The following LARP1B variants were observed in gnomAD, a reference collection of about 807,000 sequenced individuals.
LARP1B encodes the protein La ribonucleoprotein 1B, also known as la-related protein 1B.
LARP1B carries 76 observed loss-of-function variants against 114.2 expected under a neutral mutation model. The ratio of observed to expected loss-of-function variants is 0.67; its 90% CI spans 0.55 to 0.81. LARP1B has a LOEUF of 0.81. Ranked by LOEUF, LARP1B falls within the 30% of genes least tolerant of loss-of-function variation. The probability of loss-of-function intolerance (pLI) is 0.00; values close to 1 mark genes in which losing one functional copy is unlikely to be tolerated. For synonymous variants in LARP1B, 345 were observed against 348.0 expected, an observed-to-expected ratio of 0.99 and a Z score of 0.10; for missense variants, 1,014 against 1,075.8, an observed-to-expected ratio of 0.94 and a Z score of 0.80.
chr4:128,206,570 T>A (rs1757652299), intron 18 of LARP1B, 33 bp downstream of exon 18: 3 of 1,579,374 alleles, frequency 1.9e-6, no homozygotes, highest in African/African-American at 2.7e-5. Flanking sequence ...TGTACTCTAA[T>A]TGGAAATTGT....
intron 7 of LARP1B, among the ~76,000 whole-genome samples, chr4:128,097,597 G>A (rs796380930): frequency 2.6e-5 from 4 of 152,254 alleles, no homozygotes; most frequent in African/African-American, 4.8e-5. Context: ...ATCAGCCACC[G>A]CGCCTGGCCA....
chr4:128,116,022 T>C (rs1482010237), intron 10 of LARP1B, among the ~76,000 whole-genome samples: 1 of 152,236 alleles, frequency 6.6e-6, no homozygotes, highest in African/African-American at 2.4e-5. Flanking sequence ...ATATAAGTGT[T>C]GGTGATTTAT....
intron 1 of LARP1B, among the ~76,000 whole-genome samples, chr4:128,062,418 C>T (rs1324221355): frequency 1.3e-5 from 2 of 152,132 alleles, no homozygotes; most frequent in Non-Finnish European, 2.9e-5. Flanking sequence ...AAGGGAGCGG[C>T]AGGAAGAGGT....
At chr4:128,066,343 A>AT (rs1446467858) in intron 1 of LARP1B, among the ~76,000 whole-genome samples, 1 of 150,746 alleles carries the variant, frequency 6.6e-6, no homozygotes, top group Non-Finnish European at 1.5e-5. Context: ...TGCCCGGCTG[A>AT]TTTTTTGTAT....
intron 6 of LARP1B, among the ~76,000 whole-genome samples, chr4:128,217,121 T>C (rs1759563689): frequency 6.8e-6 from 1 of 147,692 alleles, no homozygotes; most frequent in African/African-American, 2.5e-5. Flanking sequence ...AATAGACCAA[T>C]AACAGGCTCT....
chr4:128,165,287 A>G (rs1433551477), intron 12 of LARP1B, among the ~76,000 whole-genome samples: 4 of 151,634 alleles, frequency 2.6e-5, no homozygotes, highest in Admixed American at 6.6e-5. Context: ...AAATTTATTA[A>G]TTTTTATTTG....
chr4:128,143,796 G>GTGTGTGTGTGTGTGTGT (rs1729108317), intron 11 of LARP1B, among the ~76,000 whole-genome samples: 3 of 147,844 alleles, frequency 2.0e-5, no homozygotes, highest in Admixed American at 1.4e-4. Context: ...TAAGGCACAG[G>GTGTGTGTGTGTGTGTGT]GTGTGTGTGT....
At chr4:128,172,063 T>C (rs1397454275) in intron 12 of LARP1B, among the ~76,000 whole-genome samples, 2 of 152,178 alleles carry the variant, frequency 1.3e-5, no homozygotes, top group Non-Finnish European at 2.9e-5. Context: ...TCAGCTATTA[T>C]TTCCTCAAAA....
intron 17 of LARP1B, among the ~76,000 whole-genome samples, chr4:128,203,767 A>G (rs1210281680): frequency 6.6e-6 from 1 of 152,192 alleles, no homozygotes; most frequent in Non-Finnish European, 1.5e-5. Context: ...GAGAGCTAAC[A>G]TCGCTTACAT....
chr4:128,178,281 A>G (rs1747117480), intron 13 of LARP1B, 150 bp from the exon 14 acceptor site: 1 of 599,906 alleles, frequency 1.7e-6, no homozygotes, highest in Non-Finnish European at 2.8e-6. Context: ...GATAATGGTC[A>G]AAAAAGTATT....
intron 10 of LARP1B, among the ~76,000 whole-genome samples, chr4:128,119,021 C>T (rs1468052255): frequency 6.6e-6 from 1 of 151,900 alleles, no homozygotes; most frequent in African/African-American, 2.4e-5. Flanking sequence ...GCTGGGATTA[C>T]AGGCACCCGC....
intron 12 of LARP1B, among the ~76,000 whole-genome samples, chr4:128,165,382 A>G (rs1391187958): frequency 6.6e-6 from 1 of 152,066 alleles, no homozygotes; most frequent in African/African-American, 2.4e-5. Context: ...TTTGACCAAT[A>G]TATTGCTATG....
chr4:128,211,600 G>C lies in LARP1B; in HGVS notation c.*1547G>C. ...GTAAAGAGGGTGCAAAACAAGCAAT[G>C]GGTTAGAATAATAGATCTTCAAGTC... On this transcript the variant is annotated 3_prime_UTR_variant, in exon 20 of 20. Coordinates refer to ENST00000326639, the MANE Select transcript of LARP1B (RefSeq NM_018078.4). 1.0e-6 allele frequency: 1 copy of C among 958,402 alleles called. No homozygotes were observed. The highest frequency in any genetic ancestry group is 1.2e-6 in the Non-Finnish European group (1 of 805,456). The allele number at this position is 958,402 out of a possible 1,614,324, so 59.4% of individuals were successfully genotyped here.
rs1283311843 is a variant in LARP1B, at chr4:128,210,038, TGACAATTCACA to T, written c.2731_2741del (p.Asp911LeufsTer23). 1 of 1,614,076 alleles carries T rather than the reference TGACAATTCACA, an allele frequency of 6.2e-7. No individual in the cohort carries two copies. The highest frequency in any genetic ancestry group is 2.2e-5 in the East Asian group (1 of 44,874). On this transcript the variant is annotated frameshift_variant, in exon 20 of 20. Coordinates refer to ENST00000326639, the MANE Select transcript of LARP1B (RefSeq NM_018078.4). LOFTEE classifies it high-confidence loss of function. ...GAAGGAATATTTCACCGGAGTCCAG[TGACAATTCACA>T]TTAAACAGTGCTGCCTGTGTCCTGT...
chr4:128,082,835 T>TA (rs924187118), intron 5 of LARP1B, among the ~76,000 whole-genome samples: 1 of 151,580 alleles, frequency 6.6e-6, no homozygotes, highest in Non-Finnish European at 1.5e-5. Flanking sequence ...TTATTTTTTT[T>TA]ATTGATCATT....
intron 1 of LARP1B, among the ~76,000 whole-genome samples, chr4:128,070,181 G>T (rs993521509): frequency 6.6e-6 from 1 of 152,046 alleles, no homozygotes; most frequent in Non-Finnish European, 1.5e-5. Flanking sequence ...TTAGCTGGGC[G>T]TGGTGGCAGG....
intron 15 of LARP1B, among the ~76,000 whole-genome samples, chr4:128,188,283 C>A (rs189481898): frequency 3.9e-4 from 59 of 152,198 alleles, no homozygotes; most frequent in Middle Eastern, 3.4e-3. Context: ...CCATGTTGGT[C>A]AGGCTGGTCT....
intron 11 of LARP1B, among the ~76,000 whole-genome samples, chr4:128,154,794 C>T (rs1180616822): frequency 1.3e-5 from 2 of 152,008 alleles, no homozygotes; most frequent in Non-Finnish European, 1.5e-5. Context: ...TTTTTTGAGA[C>T]GGAGTTTTTT....
chr4:128,155,594 C>T lies in LARP1B; in HGVS notation c.1525-6600C>T, dbSNP rs574659624. 13 of 973,324 alleles carry T rather than the reference C, an allele frequency of 1.3e-5. No homozygotes were observed. The Admixed American group carries it at 1.4e-4, about 10-fold the overall frequency. The allele number at this position is 973,324 out of a possible 1,614,324, so 60.3% of individuals were successfully genotyped here. On this transcript the variant is annotated intron_variant, in intron 11 of 19. Transcript: ENST00000326639. ...CCCAGCAGTTGCCCCAGGCCTCTGA[C>T]CTACCCTTAGTCCAGCCCCCTACAA...
Sources: gnomAD v4.1 joint callset for allele counts (sites outside exome capture counted in the v4.1 genomes callset) on GRCh38, gnomAD v4.1.1 for gene constraint, MANE v1.5 for transcripts, NCBI Gene and HGNC (gene_info 2026-07-23, HGNC 2026-07-21) for gene names.